The following PCLO variants were observed in gnomAD, a reference collection of about 807,000 sequenced individuals.
PCLO encodes piccolo presynaptic cytomatrix protein, also known as protein piccolo.
In PCLO, 82 loss-of-function variants were observed where a neutral mutation model predicts 427.5. The ratio of observed to expected loss-of-function variants is 0.19; its 90% CI spans 0.16 to 0.23. The LOEUF is 0.23. Among genes scored for constraint, PCLO ranks in the 10% least tolerant of loss-of-function variants. The probability of loss-of-function intolerance (pLI) is 1.00; values close to 1 mark genes in which losing one functional copy is unlikely to be tolerated. For synonymous variants in PCLO, 2,357 were observed against 2,155.4 expected, an observed-to-expected ratio of 1.09 and a Z score of -2.59; for missense variants, 6,239 against 6,115.9, an observed-to-expected ratio of 1.02 and a Z score of -0.67.
At chr7:83,138,441 T>G (rs112801181) in intron 2 of PCLO, among the ~76,000 whole-genome samples, 124 of 152,140 alleles carry the variant, frequency 8.2e-4, no homozygotes, top group African/African-American at 2.9e-3. Context: ...TGGGCAGATC[T>G]CCTGAGGTCA....
intron 3 of PCLO, among the ~76,000 whole-genome samples, chr7:83,057,169 C>A (rs1221868558): frequency 2.9e-5 from 4 of 137,184 alleles, no homozygotes. Flanking sequence ...CTGCTACCTC[C>A]GCCTCCCGGG....
intron 9 of PCLO, among the ~76,000 whole-genome samples, chr7:82,881,816 TA>T (rs1793515394): frequency 6.6e-6 from 1 of 152,062 alleles, no homozygotes. Context: ...AATTTTTTTT[TA>T]TTTTTAGTAG....
intron 3 of PCLO, among the ~76,000 whole-genome samples, chr7:82,988,669 T>C (rs1796307278): frequency 6.6e-6 from 1 of 152,124 alleles, no homozygotes; most frequent in Non-Finnish European, 1.5e-5. Context: ...TCAATTATGA[T>C]ACATGTAAGG....
At chr7:82,776,781 C>T (rs775168734) in intron 22 of PCLO, among the ~76,000 whole-genome samples, 10 of 151,694 alleles carry the variant, frequency 6.6e-5, no homozygotes, top group South Asian at 4.2e-4. Flanking sequence ...GAAGACACAG[C>T]GAGACTCCAT....
chr7:82,971,823 T>A (rs1003960410), intron 3 of PCLO, among the ~76,000 whole-genome samples: 3 of 150,988 alleles, frequency 2.0e-5, no homozygotes. Flanking sequence ...AAAATATAGA[T>A]GCTTAAGGAG....
At chr7:82,928,037 T>C (rs1382712769) in intron 6 of PCLO, among the ~76,000 whole-genome samples, 1 of 152,202 alleles carries the variant, frequency 6.6e-6, no homozygotes. Flanking sequence ...CTCACATGCA[T>C]GGGCTAATTA....
intron 16 of PCLO, among the ~76,000 whole-genome samples, chr7:82,833,634 T>A (rs1358122020): frequency 2.0e-5 from 3 of 152,154 alleles, no homozygotes; most frequent in African/African-American, 2.4e-5. Flanking sequence ...AGTTGTTTAA[T>A]TTTCTATATA....
In PCLO at chr7:82,847,254, A is replaced by G. The variant is rs199730643; in HGVS notation, c.13655-7T>C. 8.0e-6 allele frequency: 12 copies of G among 1,493,488 alleles called. No homozygotes were observed. The African/African-American group carries it at 1.6e-4, about 20-fold the overall frequency. 92.5% of individuals were successfully genotyped at this position (1,493,488 alleles called of 1,614,324 possible). ...CATTCCAATACTTGCATCCCTAGAA[A>G]GACAAATTTGAATATAAAATCAAAC... is the stretch of plus-strand genomic sequence containing the variant. On this transcript the variant is annotated splice_region_variant and splice_polypyrimidine_tract_variant and intron_variant, in intron 10 of 24. Transcript: ENST00000333891.
intron 16 of PCLO, among the ~76,000 whole-genome samples, chr7:82,833,466 C>T (rs1792147686): frequency 6.6e-6 from 1 of 152,076 alleles, no homozygotes; most frequent in Non-Finnish European, 1.5e-5. Flanking sequence ...TCTTGCCTGA[C>T]ATTTTGCCCC....
chr7:83,017,975 A>G (rs1451780052), intron 3 of PCLO: 1 of 152,006 alleles, frequency 6.6e-6, no homozygotes, highest in East Asian at 1.9e-4. Context: ...TAGTACTAGG[A>G]TGAGAAATTA....
chr7:83,150,755 A>G (rs1243899908), intron 2 of PCLO, among the ~76,000 whole-genome samples: 3 of 152,168 alleles, frequency 2.0e-5, no homozygotes, highest in Admixed American at 1.3e-4. Flanking sequence ...TGTTAAGTGT[A>G]TCTATTTCAC....
In PCLO at chr7:82,915,503, A is replaced by G; in HGVS notation, c.12483T>C (p.Ser4161=). ...TGAGTCTACTGATGCTATACTTCTCAGATTTTGGAAAATGTCTGTAGCTAG... is the reference window on the plus strand; with the variant it reads ...TGAGTCTACTGATGCTATACTTCTCGGATTTTGGAAAATGTCTGTAGCTAG... ...ADTSYRHFPK[S]EKYSISRLTL... The change falls in exon 7 of 25, where the codon TCT becomes TCC. Residue 4161 remains serine, a synonymous_variant. Transcript: ENST00000333891. 3.7e-6 allele frequency: 6 copies of G among 1,613,722 alleles called. No homozygotes were observed. Among genetic ancestry groups the G allele is most frequent in the Non-Finnish European group, 5.1e-6 (6 of 1,179,724 alleles).
chr7:82,832,918 G>A (rs959149920), intron 16 of PCLO, among the ~76,000 whole-genome samples: 4 of 151,074 alleles, frequency 2.6e-5, no homozygotes, highest in Non-Finnish European at 5.9e-5. Flanking sequence ...CATTTTGTAA[G>A]CTCTGTTTAA....
In PCLO at chr7:82,927,613, T is replaced by C. The variant is rs1794742488; in HGVS notation, c.11113-10740A>G. Among the ~76,000 whole-genome samples, 5 of 152,176 alleles carry C rather than the reference T, an allele frequency of 3.3e-5. No individual in the cohort carries two copies. The South Asian group carries it at 1.0e-3, about 31-fold the overall frequency. Reference sequence around the variant, plus strand: ...TTTTGCCAGGATTTCAAGGATCGGGTGAAAGCTCACCAAAACCCATCTTGT... The same window carrying C: ...TTTTGCCAGGATTTCAAGGATCGGGCGAAAGCTCACCAAAACCCATCTTGT... On this transcript the variant is annotated intron_variant, in intron 6 of 24. Transcript: ENST00000333891.
chr7:83,097,353 T>C (rs1790614547), intron 3 of PCLO, among the ~76,000 whole-genome samples: 1 of 145,082 alleles, frequency 6.9e-6, no homozygotes, highest in Non-Finnish European at 1.5e-5. Flanking sequence ...AAACCCCATC[T>C]CCACTACAAA....
intron 22 of PCLO, among the ~76,000 whole-genome samples, chr7:82,776,191 A>G (rs1790745061): frequency 2.6e-5 from 4 of 152,182 alleles, no homozygotes; most frequent in Admixed American, 2.6e-4. Context: ...CATATATATT[A>G]ACCAAAACCA....
chr7:83,102,132 A>G (rs1476866374), intron 3 of PCLO, among the ~76,000 whole-genome samples: 1 of 45,306 alleles, frequency 2.2e-5, no homozygotes, highest in African/African-American at 8.8e-5. Context: ...TATAATAAAC[A>G]AATTCATTTA....
Position 82,952,769 on chromosome 7 carries a change from A to T in PCLO, c.8184T>A (p.Ile2728=). Residue 2728 remains isoleucine, a synonymous_variant, in exon 5 of 25, where the codon ATT becomes ATA. Transcript: ENST00000333891. ...DGKLQLVGDV[I]DLRTVPKVEV... is the part of the protein sequence containing the mutation. The stretch of plus-strand genomic sequence containing the variant: ...CTACCTTTGGTACTGTACGCAAATC[A>T]ATTACATCACCAACAAGTTGCAATT... 6.2e-7 allele frequency: 1 copy of T among 1,613,526 alleles called. No individual in the cohort carries two copies.
chr7:82,848,304 G>GA (rs1554340492), intron 10 of PCLO, among the ~76,000 whole-genome samples: 1 of 83,878 alleles, frequency 1.2e-5, no homozygotes, highest in African/African-American at 4.3e-5. Flanking sequence ...CCATTAGTTA[G>GA]TTTTTTTTTT....
Sources: gnomAD v4.1 joint callset for allele counts (sites outside exome capture counted in the v4.1 genomes callset) on GRCh38, gnomAD v4.1.1 for gene constraint, MANE v1.5 for transcripts, NCBI Gene and HGNC (gene_info 2026-07-23, HGNC 2026-07-21) for gene names.